DLGAP2: variants seen among roughly 807,000 people sequenced by gnomAD.
DLGAP2 encodes DLG associated protein 2.
DLGAP2 carries 26 observed loss-of-function variants against 100.3 expected under a neutral mutation model. That is an observed-to-expected ratio of 0.26 (90% CI 0.19 to 0.36). DLGAP2 has a LOEUF of 0.36. Ranked by LOEUF, DLGAP2 falls within the 10% of genes least tolerant of loss-of-function variation. DLGAP2 has a pLI of 1.00. For missense variants in DLGAP2, 1,858 were observed against 1,453.2 expected, an observed-to-expected ratio of 1.28 and a Z score of -4.53; for synonymous variants, 886 against 630.1, an observed-to-expected ratio of 1.41 and a Z score of -6.08.
At chr8:1,176,596 CACGACAGGG>C (rs1797263941) in intron 2 of DLGAP2, among the ~76,000 whole-genome samples, 1 of 95,216 alleles carries the variant, frequency 1.1e-5, no homozygotes, top group East Asian at 2.9e-4. Flanking sequence ...CAATCCAGTG[CACGACAGGG>C]GTCGTGTTTC....
chr8:1,269,780 G>A (rs753913037), intron 3 of DLGAP2, among the ~76,000 whole-genome samples: 6 of 152,128 alleles, frequency 3.9e-5, no homozygotes, highest in Non-Finnish European at 5.9e-5. Flanking sequence ...AGGCTGGCGA[G>A]GATTTTTAGA....
chr8:1,695,895 T>G (rs1799385588), intron 13 of DLGAP2, among the ~76,000 whole-genome samples: 2 of 152,220 alleles, frequency 1.3e-5, no homozygotes, highest in South Asian at 2.1e-4. Context: ...TCCCAGCCGC[T>G]GGCCAGGGCC....
chr8:946,445 T>A (rs547601831), intron 2 of DLGAP2, among the ~76,000 whole-genome samples: 155 of 151,916 alleles, frequency 1.0e-3, no homozygotes, highest in African/African-American at 2.6e-3. Flanking sequence ...TTGTAGTTTT[T>A]GTAGAGACGG....
chr8:1,653,757 G>T (rs1357171255), intron 8 of DLGAP2, among the ~76,000 whole-genome samples: 1 of 151,968 alleles, frequency 6.6e-6, no homozygotes, highest in East Asian at 1.9e-4. Context: ...TTCCATTAGG[G>T]TCACCTTAAG....
At chr8:1,242,065 A>G (rs777717506) in intron 2 of DLGAP2, among the ~76,000 whole-genome samples, 7 of 152,210 alleles carry the variant, frequency 4.6e-5, no homozygotes, top group Non-Finnish European at 1.0e-4. Flanking sequence ...ATAATTTGGT[A>G]TAACGGGATT....
chr8:769,926 C>T (rs979983295), intron 1 of DLGAP2, among the ~76,000 whole-genome samples: 14 of 152,056 alleles, frequency 9.2e-5, no homozygotes, highest in African/African-American at 1.9e-4. Context: ...TCAGCAGCTG[C>T]GGGGGTCATG....
intron 2 of DLGAP2, among the ~76,000 whole-genome samples, chr8:1,231,011 A>G (rs904406467): frequency 8.5e-5 from 13 of 152,224 alleles, no homozygotes; most frequent in Non-Finnish European, 1.2e-4. Flanking sequence ...GACAAGTGGG[A>G]CCTAATTAAG....
intron 1 of DLGAP2, among the ~76,000 whole-genome samples, chr8:791,826 C>T (rs567543263): frequency 6.6e-5 from 10 of 152,316 alleles, no homozygotes; most frequent in South Asian, 6.2e-4. Flanking sequence ...CTTGAGCTCA[C>T]GCACGCTCGC....
chr8:1,615,043 G>T (rs895365817), intron 6 of DLGAP2, among the ~76,000 whole-genome samples: 1 of 152,262 alleles, frequency 6.6e-6, no homozygotes, highest in Non-Finnish European at 1.5e-5. Flanking sequence ...GACAGCTGCA[G>T]TCTCCTTGGA....
chr8:1,605,853 A>T (rs1796780049), intron 6 of DLGAP2, among the ~76,000 whole-genome samples: 1 of 152,248 alleles, frequency 6.6e-6, no homozygotes, highest in African/African-American at 2.4e-5. Context: ...AATGTTTAAA[A>T]TATGCCACAA....
At chr8:1,677,885 G>T (rs540608624) in intron 11 of DLGAP2, among the ~76,000 whole-genome samples, 1 of 152,184 alleles carries the variant, frequency 6.6e-6, no homozygotes, top group African/African-American at 2.4e-5. Flanking sequence ...GCATAAGCTC[G>T]TAGCATATTT....
intron 3 of DLGAP2, among the ~76,000 whole-genome samples, chr8:1,368,332 T>C (rs550724083): frequency 6.8e-6 from 1 of 147,904 alleles, no homozygotes; most frequent in Non-Finnish European, 1.5e-5. Context: ...TGTGCATGCA[T>C]GTGTGTGTGC....
chr8:1,589,159 A>G (rs4424285), intron 6 of DLGAP2, among the ~76,000 whole-genome samples: 63,305 of 152,006 alleles, frequency 0.42, 13,252 homozygotes, highest in African/African-American at 0.42. Context: ...TATTTTCCAA[A>G]TTTTCTGCAA....
At chr8:776,570 A>T (rs1390821268) in intron 1 of DLGAP2, among the ~76,000 whole-genome samples, 1 of 152,200 alleles carries the variant, frequency 6.6e-6, no homozygotes, top group Admixed American at 6.5e-5. Flanking sequence ...TCTTGGTTTC[A>T]AAGAACATCT....
chr8:867,233 G>C (rs753361001), intron 1 of DLGAP2, among the ~76,000 whole-genome samples: 4 of 152,220 alleles, frequency 2.6e-5, no homozygotes, highest in Non-Finnish European at 5.9e-5. Context: ...TTTTCTTTGG[G>C]TCTTTCCTGG....
At chr8:1,209,035 A>T (rs1252514520) in intron 2 of DLGAP2, among the ~76,000 whole-genome samples, 2 of 152,192 alleles carry the variant, frequency 1.3e-5, no homozygotes, top group Non-Finnish European at 2.9e-5. Context: ...TCTCATGCTC[A>T]TGGATGGGTA....
At position 1,683,309 on chromosome 8, in the gene DLGAP2, G is replaced by A. The variant is rs1463765252; in HGVS notation, c.2704+4680G>A. On this transcript the variant is annotated intron_variant, in intron 12 of 14. Transcript: ENST00000637795. The stretch of plus-strand genomic sequence containing the variant: ...GTGGTGGATGGTGGTGACTGAAAAG[G>A]AGATTCAAGAGTCCACGCAGAGGCA... 3.3e-5 allele frequency among the ~76,000 whole-genome samples: 5 copies of A among 151,670 alleles called. No individual in the cohort carries two copies. The South Asian group carries it at 1.0e-3, about 32-fold the overall frequency.
intron 3 of DLGAP2, among the ~76,000 whole-genome samples, chr8:1,482,679 A>G (rs1799129262): frequency 6.6e-6 from 1 of 152,120 alleles, no homozygotes; most frequent in Non-Finnish European, 1.5e-5. Flanking sequence ...GGTGGTTCCC[A>G]CGGCCGCCCC....
intron 1 of DLGAP2, among the ~76,000 whole-genome samples, chr8:799,168 C>T (rs184313957): frequency 1.1e-4 from 16 of 152,232 alleles, no homozygotes; most frequent in East Asian, 1.9e-4. Flanking sequence ...TTTGGGAGGC[C>T]GACACCCCAG....
Sources: allele counts gnomAD v4.1 joint callset (sites outside exome capture counted in the v4.1 genomes callset), GRCh38; gene constraint gnomAD v4.1.1; transcripts MANE v1.5; gene names NCBI Gene and HGNC (gene_info 2026-07-23, HGNC 2026-07-21).